Variants in OSGEPL1 observed in about 807,000 individuals in gnomAD.
The protein encoded by OSGEPL1 is O-sialoglycoprotein endopeptidase like 1.
Under a neutral mutation model 37.2 loss-of-function variants are expected in OSGEPL1, and 26 were observed. The ratio of observed to expected loss-of-function variants is 0.70; its 90% CI spans 0.51 to 0.97. OSGEPL1 has a LOEUF of 0.97. OSGEPL1 is among the 50% of genes least tolerant of loss of function. OSGEPL1 has a pLI of 0.00. For synonymous variants in OSGEPL1, 140 were observed against 159.9 expected (o/e 0.88, Z 0.94); for missense variants, 404 against 487.0 (o/e 0.83, Z 1.60).
rs775998565 is a variant in OSGEPL1, at chr2:189,753,965, A to G, written c.914T>C (p.Ile305Thr). 1 of 1,613,820 alleles carries G rather than the reference A, an allele frequency of 6.2e-7. No homozygotes were observed. The change falls in exon 5 of 9, where the codon ATT (isoleucine) becomes ACT (threonine). Residue 305 changes from isoleucine (I) to threonine (T), a missense_variant. Physicochemically the swap from Ile to Thr is moderately conservative, Grantham distance 89. Transcript: ENST00000264151. ...CHLVKRTHRA[I>T]LFCKQRDLLP... ...CAAGTCTCTCTGCTTACAAAACAGA[A>G]TAGCCCGATGTGTTCTTTTCACAAG...
chr2:189,759,045 T>C (rs1392114383), intron 2 of OSGEPL1, among the ~76,000 whole-genome samples: 1 of 152,202 alleles, frequency 6.6e-6, no homozygotes, highest in Non-Finnish European at 1.5e-5. Context: ...CCTTGCACTA[T>C]TAATTCTCCT....
chr2:189,754,831 T>G, intron 3 of OSGEPL1: 1 of 281,420 alleles, frequency 3.6e-6, no homozygotes, highest in Non-Finnish European at 6.6e-6. Context: ...AATGTCCTTA[T>G]GTTAATCTAT....
At chr2:189,753,795 T>C (rs532147322) in intron 5 of OSGEPL1, 121 bp downstream of exon 5, 83 of 1,072,912 alleles carry the variant, frequency 7.7e-5, no homozygotes, top group Non-Finnish European at 1.0e-4. Flanking sequence ...CATAATTTCA[T>C]ACTGTCAGGG....
At position 189,750,458 on chromosome 2, in the gene OSGEPL1, A is replaced by T. The variant is rs529091230; in HGVS notation, c.*28+92T>A. The stretch of plus-strand genomic sequence containing the variant: ...CAGGTAAAACATCAAATAGAAAAAA[A>T]AAAATAAAATCTTGATGAATAATTA... On this transcript the variant is annotated intron_variant, in intron 8 of 8. Transcript: ENST00000264151. 1,127 of 585,530 alleles carry T rather than the reference A, an allele frequency of 1.9e-3. 6 individuals carry two copies. The highest frequency in any genetic ancestry group is 0.017 in the African/African-American group (883 of 51,702). The allele number at this position is 585,530 out of a possible 1,614,324, so 36.3% of individuals were successfully genotyped here.
intron 2 of OSGEPL1, among the ~76,000 whole-genome samples, chr2:189,756,799 G>C (rs2046157495): frequency 6.6e-6 from 1 of 152,028 alleles, no homozygotes; most frequent in Admixed American, 6.6e-5. Context: ...TCCTAACTCT[G>C]TCCTTTGATC....
intron 5 of OSGEPL1, 100 bp downstream of exon 5, chr2:189,753,816 G>T: frequency 8.1e-7 from 1 of 1,235,524 alleles, no homozygotes; most frequent in Non-Finnish European, 1.1e-6. Context: ...CTAGCATAAG[G>T]CATAAAGATC....
Position 189,750,541 on chromosome 2 carries a change from T to G in OSGEPL1, c.*28+9A>C. On this transcript the variant is annotated intron_variant, in intron 8 of 8. Coordinates refer to ENST00000264151, the MANE Select transcript of OSGEPL1 (RefSeq NM_022353.3). ...AACAATAAAAACTTAATTTTAACCT[T>G]AATACTACCTTTAGGGACTTTTTTG... 8.9e-7 allele frequency: 1 copy of G among 1,118,842 alleles called. No individual in the cohort carries two copies. The highest frequency in any genetic ancestry group is 1.3e-6 in the Non-Finnish European group (1 of 758,142). 69.3% of individuals were successfully genotyped at this position (1,118,842 alleles called of 1,614,324 possible).
rs375535445 is a variant in OSGEPL1 at position 189,762,557 on chromosome 2, C to T, written c.-21+128G>A. The T allele has an allele frequency of 6.8e-5, 67 of 981,038 alleles. No homozygotes were observed. In the African/African-American group the frequency reaches 1.0e-3, roughly 15 times the overall value. 60.8% of individuals were successfully genotyped at this position (981,038 alleles called of 1,614,324 possible). ...CCTTTCGGGCCAAGAAAGCTGCAGG[C>T]TGAACCCACGTGACTTGGGTAGCGC... is the stretch of plus-strand genomic sequence containing the variant. On this transcript the variant is annotated intron_variant, in intron 1 of 8. Coordinates refer to ENST00000264151, the MANE Select transcript of OSGEPL1 (RefSeq NM_022353.3).
chr2:189,754,375 T>A, intron 3 of OSGEPL1, 30 bp from the exon 4 acceptor site: 1 of 1,543,954 alleles, frequency 6.5e-7, no homozygotes. Flanking sequence ...TTTAGAGTCA[T>A]AAAATTAAAT....
intron 5 of OSGEPL1, among the ~76,000 whole-genome samples, chr2:189,753,406 T>G (rs1040539060): frequency 6.6e-6 from 1 of 152,188 alleles, no homozygotes; most frequent in African/African-American, 2.4e-5. Flanking sequence ...GAATAAAGTT[T>G]AAGATACAGT....
intron 2 of OSGEPL1, among the ~76,000 whole-genome samples, chr2:189,758,242 A>C (rs1176883401): frequency 6.6e-6 from 1 of 152,098 alleles, no homozygotes; most frequent in Non-Finnish European, 1.5e-5. Context: ...TTAGCTGGGC[A>C]TGGTGGCGCA....
chr2:189,750,988 A>G (rs186866835), intron 7 of OSGEPL1, among the ~76,000 whole-genome samples: 105 of 152,342 alleles, frequency 6.9e-4, no homozygotes, highest in African/African-American at 2.5e-3. Flanking sequence ...AAAGGTAAAA[A>G]CATTTTTGCC....
rs1275699069 is a variant in OSGEPL1, at chr2:189,755,314, C to A, written c.468G>T (p.Arg156Ser). 6.2e-7 allele frequency: 1 copy of A among 1,613,450 alleles called. No individual in the cohort carries two copies. The highest frequency in any genetic ancestry group is 1.7e-5 in the Admixed American group (1 of 59,868). Residue 156 changes from arginine to serine, a missense_variant, in exon 3 of 9, where the codon AGG becomes AGT. Physicochemically the swap from Arg to Ser is moderately radical, Grantham distance 110. Transcript: ENST00000264151. ...HHMEAHALTI[R>S]LTNKVEFPFL... ...AAGGAAATTCTACTTTATTGGTCAA[C>A]CTAATAGTAAGTGCATGAGCCTCCA...
chr2:189,761,304 T>G lies in OSGEPL1; in HGVS notation c.221+116A>C. 3.7e-6 allele frequency: 4 copies of G among 1,093,252 alleles called. No homozygotes were observed. In the South Asian group the frequency reaches 7.3e-5, roughly 20 times the overall value. The allele number at this position is 1,093,252 out of a possible 1,614,324, so 67.7% of individuals were successfully genotyped here. A position where few individuals can be genotyped will look rare whatever the true frequency, so the allele number is the denominator to read the frequency against. On this transcript the variant is annotated intron_variant, in intron 2 of 8. Coordinates refer to ENST00000264151, the MANE Select transcript of OSGEPL1 (RefSeq NM_022353.3). The stretch of plus-strand genomic sequence containing the variant: ...GGTTTTCTATAGCAGTTATTAAAAG[T>G]GTTTGCAAAAAGGAATAAGACAGTA...
chr2:189,761,618 G>A lies in OSGEPL1; in HGVS notation c.23C>T (p.Ala8Val), dbSNP rs766875435. 8.1e-6 allele frequency: 13 copies of A among 1,603,506 alleles called. No homozygotes were observed. The highest frequency in any genetic ancestry group is 1.3e-5 in the African/African-American group (1 of 74,276). Residue 8 changes from alanine to valine, a missense_variant, in exon 2 of 9, where the codon GCA (alanine) becomes GTA (valine). Coordinates refer to ENST00000264151, the MANE Select transcript of OSGEPL1 (RefSeq NM_022353.3). Reference sequence around the variant, plus strand: ...TTTTGATGGTTTAAAAAAAACTCCTGCAGTCTTAGTCAAGATTAGCATACT... The same window carrying A: ...TTTTGATGGTTTAAAAAAAACTCCTACAGTCTTAGTCAAGATTAGCATACT... MLILTKT[A>V]GVFFKPSKRK...
intron 2 of OSGEPL1, among the ~76,000 whole-genome samples, chr2:189,758,411 A>AC (rs1341534893): frequency 2.0e-5 from 3 of 150,686 alleles, no homozygotes; most frequent in Admixed American, 2.0e-4. Flanking sequence ...GTAGCACCTC[A>AC]CCCCCCCTCT....
At chr2:189,762,855 C>G (rs1223484440), upstream of OSGEPL1, 1 of 985,298 alleles carries the variant, frequency 1.0e-6, no homozygotes, top group Non-Finnish European at 1.2e-6. Context: ...GAGCGGCATG[C>G]TTAGTGAAGA....
rs373719045 is a variant in OSGEPL1 at position 189,761,614 on chromosome 2, T to C, written c.27A>G (p.Gly9=). The C allele has an allele frequency of 6.2e-7, 1 of 1,604,448 alleles. No homozygotes were observed. The highest frequency in any genetic ancestry group is 1.3e-5 in the African/African-American group (1 of 74,468). The part of the protein sequence containing the change: MLILTKTA[G]VFFKPSKRKV... ...TCCTTTTTGATGGTTTAAAAAAAAC[T>C]CCTGCAGTCTTAGTCAAGATTAGCA... Residue 9 remains glycine, a synonymous_variant, in exon 2 of 9, where the codon GGA becomes GGG. Coordinates refer to ENST00000264151, the MANE Select transcript of OSGEPL1 (RefSeq NM_022353.3).
intron 1 of OSGEPL1, chr2:189,762,441 T>C (rs954801820): frequency 2.2e-5 from 7 of 322,460 alleles, no homozygotes; most frequent in Non-Finnish European, 3.1e-5. Flanking sequence ...CAGAAGGCAG[T>C]TGCGGGCAGT....
Sources: gnomAD v4.1 joint callset for allele counts (sites outside exome capture counted in the v4.1 genomes callset) on GRCh38, gnomAD v4.1.1 for gene constraint, MANE v1.5 for transcripts, NCBI Gene and HGNC (gene_info 2026-07-23, HGNC 2026-07-21) for gene names.